The following PATJ variants were observed in gnomAD, a reference collection of about 807,000 sequenced individuals.
The protein encoded by PATJ is PATJ crumbs cell polarity complex component.
PATJ carries 190 observed loss-of-function variants against 224.9 expected under a neutral mutation model. The ratio of observed to expected loss-of-function variants is 0.84; its 90% CI spans 0.75 to 0.95. The LOEUF is 0.95. Among genes scored for constraint, PATJ ranks in the 40% least tolerant of loss-of-function variants. The pLI is 0.00. For missense variants in PATJ, 2,121 were observed against 2,270.3 expected, an observed-to-expected ratio of 0.93 and a Z score of 1.34; for synonymous variants, 769 against 820.3, an observed-to-expected ratio of 0.94 and a Z score of 1.07.
intron 25 of PATJ, among the ~76,000 whole-genome samples, chr1:61,911,373 T>A (rs1672612345): frequency 6.6e-6 from 1 of 151,798 alleles, no homozygotes; most frequent in Non-Finnish European, 1.5e-5. Flanking sequence ...GCCACCACGC[T>A]CAGCTAATTT....
chr1:61,780,354 A>G (rs1362723053), intron 7 of PATJ, among the ~76,000 whole-genome samples: 1 of 152,086 alleles, frequency 6.6e-6, no homozygotes, highest in Non-Finnish European at 1.5e-5. Context: ...AATCCCAGCT[A>G]CTCAGGAGGC....
intron 41 of PATJ, among the ~76,000 whole-genome samples, chr1:62,144,453 T>A (rs553941874): frequency 1.3e-5 from 2 of 152,268 alleles, no homozygotes; most frequent in Non-Finnish European, 2.9e-5. Context: ...GAAATTGCAA[T>A]CAAGTCGAGC....
chr1:61,937,117 T>C (rs928255072), intron 27 of PATJ, among the ~76,000 whole-genome samples: 1 of 151,254 alleles, frequency 6.6e-6, no homozygotes, highest in Non-Finnish European at 1.5e-5. Flanking sequence ...CTGTCACCCA[T>C]GTGCATGGGT....
chr1:62,126,183 C>A (rs943833431), intron 39 of PATJ, among the ~76,000 whole-genome samples: 1 of 152,174 alleles, frequency 6.6e-6, no homozygotes, highest in African/African-American at 2.4e-5. Flanking sequence ...CTCTTCTCTG[C>A]TTTTCTTCTC....
intron 27 of PATJ, among the ~76,000 whole-genome samples, chr1:61,978,494 A>G (rs1039842227): frequency 6.6e-6 from 1 of 151,770 alleles, no homozygotes; most frequent in Non-Finnish European, 1.5e-5. Context: ...CGAACTCCCA[A>G]CCTCAGGTGA....
chr1:61,834,651 G>A (rs564418261), intron 17 of PATJ, among the ~76,000 whole-genome samples: 29 of 152,294 alleles, frequency 1.9e-4, no homozygotes, highest in African/African-American at 6.7e-4. Flanking sequence ...AAAATGCCAA[G>A]TGATATTTAA....
intron 14 of PATJ, among the ~76,000 whole-genome samples, chr1:61,819,008 T>C (rs72929668): frequency 0.08 from 12,172 of 152,284 alleles, 498 homozygotes; most frequent in East Asian, 0.12. Flanking sequence ...CCCTTATTTC[T>C]ATGCAGAAGT....
At chr1:62,045,583 G>T (rs1252780687) in intron 30 of PATJ, among the ~76,000 whole-genome samples, 1 of 152,132 alleles carries the variant, frequency 6.6e-6, no homozygotes, top group Non-Finnish European at 1.5e-5. Context: ...GGAATCCACT[G>T]ACTGTGATCT....
chr1:61,990,849 T>C (rs1217630494), intron 28 of PATJ, among the ~76,000 whole-genome samples: 1 of 152,164 alleles, frequency 6.6e-6, no homozygotes, highest in Non-Finnish European at 1.5e-5. Context: ...TAAGGCTACA[T>C]AGGTTCTTTC....
intron 22 of PATJ, among the ~76,000 whole-genome samples, chr1:61,894,071 A>G (rs1182526324): frequency 1.3e-5 from 2 of 151,900 alleles, no homozygotes; most frequent in Non-Finnish European, 2.9e-5. Flanking sequence ...CCTGGCCAAC[A>G]TGGAGAAACC....
At chr1:61,973,459 A>G (rs937846632) in intron 27 of PATJ, among the ~76,000 whole-genome samples, 7 of 152,040 alleles carry the variant, frequency 4.6e-5, no homozygotes, top group Non-Finnish European at 8.8e-5. Context: ...GGCAAATAAC[A>G]TGTTTTAACC....
chr1:61,824,095 G>A (rs1034966924), intron 15 of PATJ, among the ~76,000 whole-genome samples: 9 of 152,050 alleles, frequency 5.9e-5, no homozygotes, highest in Admixed American at 4.6e-4. Context: ...GGCTGGGCAC[G>A]GCCATATCTT....
intron 27 of PATJ, among the ~76,000 whole-genome samples, chr1:61,964,230 C>T (rs1318212897): frequency 1.3e-5 from 2 of 151,570 alleles, no homozygotes; most frequent in Non-Finnish European, 2.9e-5. Context: ...TACAGGCGTG[C>T]ACCACCATGC....
chr1:62,058,977 A>G (rs754616318), intron 31 of PATJ, among the ~76,000 whole-genome samples: 1 of 152,144 alleles, frequency 6.6e-6, no homozygotes, highest in Non-Finnish European at 1.5e-5. Flanking sequence ...CCAGGTTTCC[A>G]TTTTCCACTG....
intron 12 of PATJ, among the ~76,000 whole-genome samples, chr1:61,802,567 C>G (rs1463020783): frequency 6.6e-6 from 1 of 152,068 alleles, no homozygotes; most frequent in Admixed American, 6.5e-5. Context: ...GCGTGAACCA[C>G]CTTAGCTTAT....
Position 61,923,257 on chromosome 1 carries a change from T to G in PATJ, c.3571-4473T>G, listed in dbSNP as rs540028066. 9.8e-5 allele frequency among the ~76,000 whole-genome samples: 15 copies of G among 152,322 alleles called. No homozygotes were observed. In the South Asian group the frequency reaches 2.5e-3, roughly 25 times the overall value. ...CAGAATGCTCTTTTTACTGTATTAC[T>G]TTTCTCTGAAATTGCATCTTAGATG... On this transcript the variant is annotated intron_variant, in intron 26 of 43. Coordinates refer to ENST00000642238, the MANE Select transcript of PATJ (RefSeq NM_001350145.3).
At chr1:61,906,380 G>C (rs1671860594) in intron 24 of PATJ, among the ~76,000 whole-genome samples, 1 of 152,074 alleles carries the variant, frequency 6.6e-6, no homozygotes. Flanking sequence ...CTAATCCTTT[G>C]GTCTTTGTGG....
At chr1:61,856,289 A>G in intron 18 of PATJ, 50 bp downstream of exon 18, 1 of 1,455,504 alleles carries the variant, frequency 6.9e-7, no homozygotes, top group Admixed American at 1.7e-5. Flanking sequence ...TGCAACAGTT[A>G]AAAACATGGA....
intron 32 of PATJ, among the ~76,000 whole-genome samples, chr1:62,081,506 C>T (rs1237072962): frequency 6.6e-6 from 1 of 152,124 alleles, no homozygotes; most frequent in Non-Finnish European, 1.5e-5. Context: ...GTTTTTTTCT[C>T]TCTTCTCACT....
Sources: allele counts gnomAD v4.1 joint callset (sites outside exome capture counted in the v4.1 genomes callset), GRCh38; gene constraint gnomAD v4.1.1; transcripts MANE v1.5; gene names NCBI Gene and HGNC (gene_info 2026-07-23, HGNC 2026-07-21).